NEO1: variants seen among roughly 807,000 people sequenced by gnomAD.
NEO1 encodes the protein neogenin.
Under a neutral mutation model 159.7 loss-of-function variants are expected in NEO1, and 63 were observed. The observed-to-expected ratio is 0.39, with a 90% CI of 0.32 to 0.49. The LOEUF (loss-of-function observed/expected upper bound fraction) is 0.49. Among genes scored for constraint, NEO1 ranks in the 20% least tolerant of loss-of-function variants. The pLI is 0.85. For synonymous variants in NEO1, 633 were observed against 662.0 expected (o/e 0.96, Z 0.67); for missense variants, 1,615 against 1,831.0 (o/e 0.88, Z 2.15).
At chr15:73,149,293 G>A (rs1006722423) in intron 5 of NEO1, among the ~76,000 whole-genome samples, 6 of 149,938 alleles carry the variant, frequency 4.0e-5, no homozygotes, top group Non-Finnish European at 8.8e-5. Context: ...CCAGCCTGGC[G>A]ACAGAGTAAG....
At chr15:73,183,841 A>G (rs1459740794) in intron 7 of NEO1, among the ~76,000 whole-genome samples, 1 of 152,168 alleles carries the variant, frequency 6.6e-6, no homozygotes, top group Admixed American at 6.5e-5. Context: ...CCTATAGTAT[A>G]CTTAAGGTAA....
chr15:73,187,479 A>C (rs2035996208), intron 7 of NEO1, among the ~76,000 whole-genome samples: 1 of 152,166 alleles, frequency 6.6e-6, no homozygotes, highest in Non-Finnish European at 1.5e-5. Context: ...TAGAATCACA[A>C]ACTATCACGG....
chr15:73,095,353 C>T (rs1275871258), intron 1 of NEO1, among the ~76,000 whole-genome samples: 1 of 152,098 alleles, frequency 6.6e-6, no homozygotes, highest in Non-Finnish European at 1.5e-5. Flanking sequence ...TTTGCGACAG[C>T]AACTGTGTGT....
At chr15:73,057,823 T>G (rs2067783538) in intron 1 of NEO1, among the ~76,000 whole-genome samples, 2 of 152,200 alleles carry the variant, frequency 1.3e-5, no homozygotes, top group South Asian at 4.1e-4. Flanking sequence ...TTATACCATT[T>G]TTCTTTGTTG....
intron 5 of NEO1, chr15:73,161,670 A>T (rs1285092170): frequency 6.2e-6 from 1 of 161,926 alleles, no homozygotes; most frequent in Admixed American, 6.5e-5. Context: ...CAAACATATT[A>T]GGGAAAGTTC....
chr15:73,115,089 C>G (rs2071224656), intron 1 of NEO1, among the ~76,000 whole-genome samples: 1 of 151,898 alleles, frequency 6.6e-6, no homozygotes, highest in South Asian at 2.1e-4. Context: ...TCTTGCCAGG[C>G]TATAGTGCAA....
rs1239364464 is a variant in NEO1 at position 73,077,177 on chromosome 15, G to A, written c.130+24372G>A. On this transcript the variant is annotated intron_variant, in intron 1 of 28. Transcript: ENST00000261908. Reference sequence around the variant, plus strand: ...TCCTGCCTCAGCCTCCCGAGTAGCTGGGATTACAGGTGCCCGCCACCACGC... The same window carrying A: ...TCCTGCCTCAGCCTCCCGAGTAGCTAGGATTACAGGTGCCCGCCACCACGC... 2.0e-5 allele frequency among the ~76,000 whole-genome samples: 3 copies of A among 152,088 alleles called. No individual in the cohort carries two copies. The East Asian group carries it at 5.8e-4, about 29-fold the overall frequency.
At chr15:73,183,832 C>CTA (rs1429579349) in intron 7 of NEO1, among the ~76,000 whole-genome samples, 1 of 152,162 alleles carries the variant, frequency 6.6e-6, no homozygotes, top group Non-Finnish European at 1.5e-5. Flanking sequence ...AATTTGAAAC[C>CTA]TATAGTATAC....
intron 7 of NEO1, among the ~76,000 whole-genome samples, chr15:73,205,155 A>G (rs996683711): frequency 1.3e-5 from 2 of 152,174 alleles, no homozygotes; most frequent in African/African-American, 4.8e-5. Context: ...ATTAAGTCTC[A>G]GGTTTTCAGG....
intron 7 of NEO1, among the ~76,000 whole-genome samples, chr15:73,213,269 C>T (rs1335985586): frequency 1.3e-5 from 2 of 151,970 alleles, no homozygotes; most frequent in Admixed American, 6.6e-5. Flanking sequence ...TTCTCTGTAG[C>T]ATTTATTTAT....
rs200219694 is a variant in NEO1, at chr15:73,122,063, GTATATATATATATATATATA to G, written c.449-449_449-430del. Among the ~76,000 whole-genome samples, 14 of 126,362 alleles carry G rather than the reference GTATATATATATATATATATA, an allele frequency of 1.1e-4. 1 individual carries two copies. In the South Asian group the frequency reaches 1.3e-3, roughly 12 times the overall value. 82.9% of individuals were successfully genotyped at this position (126,362 alleles called of 152,430 possible). ...AATATATAGGGGTGTGTGTGTGTGT[GTATATATATATATATATATA>G]TATATATATATACACATTATATATA... On this transcript the variant is annotated intron_variant, in intron 2 of 28. Transcript: ENST00000261908.
At chr15:73,274,910 T>C (rs1357369084) in intron 21 of NEO1, among the ~76,000 whole-genome samples, 186 bp downstream of exon 21, 1 of 151,914 alleles carries the variant, frequency 6.6e-6, no homozygotes, top group Non-Finnish European at 1.5e-5. Flanking sequence ...ATGTAGAAGC[T>C]AACTAGGCTG....
chr15:73,270,055 C>T lies in NEO1; in HGVS notation c.2540C>T (p.Pro847Leu). The change falls in exon 17 of 29, where the codon CCA becomes CTA. Residue 847 changes from proline to leucine, a missense_variant. By Grantham distance (98) the Pro-to-Leu change is moderately conservative (BLOSUM62 -3). Transcript: ENST00000261908. Reference sequence around the variant, plus strand: ...TTTGTTATTAATGCTCCATACACTCCAGTGCCAGATCCCACTCCCATGATG... The same window carrying T: ...TTTGTTATTAATGCTCCATACACTCTAGTGCCAGATCCCACTCCCATGATG... ...DLFVINAPYTPVPDPTPMMPP... is the reference protein window; with the variant it reads ...DLFVINAPYTLVPDPTPMMPP... 6.2e-7 allele frequency: 1 copy of T among 1,614,194 alleles called. No homozygotes were observed. The highest frequency in any genetic ancestry group is 8.5e-7 in the Non-Finnish European group (1 of 1,180,046).
At chr15:73,235,359 G>C (rs2039114661) in intron 7 of NEO1, among the ~76,000 whole-genome samples, 1 of 152,160 alleles carries the variant, frequency 6.6e-6, no homozygotes, top group Non-Finnish European at 1.5e-5. Flanking sequence ...CGAAGTGAAA[G>C]AGATTTTAGG....
chr15:73,060,265 G>A (rs1235676121), intron 1 of NEO1, among the ~76,000 whole-genome samples: 1 of 151,996 alleles, frequency 6.6e-6, no homozygotes, highest in East Asian at 1.9e-4. Flanking sequence ...TTGTTTGTTT[G>A]TTTGTTTGTT....
chr15:73,235,861 A>G (rs139548401), intron 7 of NEO1, among the ~76,000 whole-genome samples: 1 of 152,352 alleles, frequency 6.6e-6, no homozygotes, highest in East Asian at 1.9e-4. Context: ...CATCCATACT[A>G]TTCCATATGT....
intron 27 of NEO1, among the ~76,000 whole-genome samples, chr15:73,300,433 T>C (rs1286366904): frequency 6.6e-6 from 1 of 152,112 alleles, no homozygotes; most frequent in East Asian, 1.9e-4. Context: ...AGTACCTTTA[T>C]TTAAGACAGC....
intron 7 of NEO1, among the ~76,000 whole-genome samples, chr15:73,190,498 G>C (rs2036181442): frequency 6.6e-6 from 1 of 151,970 alleles, no homozygotes. Flanking sequence ...CCCTTTTTTT[G>C]ACAGAAATGT....
Position 73,254,487 on chromosome 15 carries a change from T to C in NEO1, c.1945-195T>C, listed in dbSNP as rs114075311. On this transcript the variant is annotated intron_variant, in intron 12 of 28. Transcript: ENST00000261908. ...GAGTGTACTACTCGAATATATAATC[T>C]TCCCATTTGATCATTGAGGGTTTTA... Among the ~76,000 whole-genome samples the C allele has an allele frequency of 7.9e-3, 1,207 of 152,286 alleles. 18 individuals are homozygous for C. The highest frequency in any genetic ancestry group is 0.028 in the African/African-American group (1,157 of 41,548).
Sources: allele counts gnomAD v4.1 joint callset (sites outside exome capture counted in the v4.1 genomes callset), GRCh38; gene constraint gnomAD v4.1.1; transcripts MANE v1.5; gene names NCBI Gene and HGNC (gene_info 2026-07-23, HGNC 2026-07-21).